PAK5: variants seen among roughly 807,000 people sequenced by gnomAD.
PAK5 encodes the protein p21 (RAC1) activated kinase 5.
PAK5 carries 16 observed loss-of-function variants against 65.9 expected under a neutral mutation model. That is an observed-to-expected ratio of 0.24 (90% confidence interval 0.16 to 0.37). The LOEUF (loss-of-function observed/expected upper bound fraction) is 0.37. Ranked by LOEUF, PAK5 falls within the 10% of genes least tolerant of loss-of-function variation. The probability of loss-of-function intolerance (pLI) is 1.00; values close to 1 mark genes in which losing one functional copy is unlikely to be tolerated. For missense variants in PAK5, 785 were observed against 903.9 expected (o/e 0.87, Z 1.69); for synonymous variants, 371 against 354.9 (o/e 1.05, Z -0.51).
intron 4 of PAK5, among the ~76,000 whole-genome samples, chr20:9,566,829 C>T (rs12053654): frequency 0.2 from 30,994 of 151,976 alleles, 5,503 homozygotes; most frequent in African/African-American, 0.48. Context: ...TCTCCCTGTG[C>T]TAAGTGGTGT....
intron 3 of PAK5, among the ~76,000 whole-genome samples, chr20:9,622,638 TG>T (rs1271567249): frequency 6.6e-6 from 1 of 152,216 alleles, no homozygotes; most frequent in East Asian, 1.9e-4. Context: ...AGCTGAGCTC[TG>T]CCTCTTGTCA....
At chr20:9,675,494 T>C (rs2047557715) in intron 2 of PAK5, among the ~76,000 whole-genome samples, 1 of 152,020 alleles carries the variant, frequency 6.6e-6, no homozygotes, top group African/African-American at 2.4e-5. Flanking sequence ...TAATAATTAA[T>C]TTTATTTATT....
chr20:9,827,831 T>G (rs554757930), intron 1 of PAK5, among the ~76,000 whole-genome samples: 1 of 152,192 alleles, frequency 6.6e-6, no homozygotes, highest in South Asian at 2.1e-4. Context: ...TGCAATTTAT[T>G]TATTTACTTA....
intron 1 of PAK5, among the ~76,000 whole-genome samples, chr20:9,812,425 A>T (rs1380406197): frequency 6.6e-6 from 1 of 152,202 alleles, no homozygotes; most frequent in East Asian, 1.9e-4. Context: ...ATAAAACCAC[A>T]ATGAGATATC....
Position 9,539,466 on chromosome 20 carries a change from TGATGCCTGTATTGTCTCATGAGGGGGAC to T in PAK5, c.2128_2155del (p.Val710ThrfsTer13). 1 of 1,613,916 alleles carries T rather than the reference TGATGCCTGTATTGTCTCATGAGGGGGAC, an allele frequency of 6.2e-7. No individual in the cohort carries two copies. The highest frequency in any genetic ancestry group is 8.5e-7 in the Non-Finnish European group (1 of 1,179,822). The stretch of plus-strand genomic sequence containing the variant: ...CCACCTACACGAATCCTCTGCTCAG[TGATGCCTGTATTGTCTCATGAGGGGGAC>T]GATGCAAGACGGTGGACCTGCTAGT... On this transcript the variant is annotated frameshift_variant, in exon 10 of 10. Coordinates refer to ENST00000353224, the MANE Select transcript of PAK5 (RefSeq NM_177990.4). LOFTEE classifies it high-confidence loss of function.
intron 2 of PAK5, among the ~76,000 whole-genome samples, chr20:9,682,803 G>A (rs542403061): frequency 6.6e-6 from 1 of 152,270 alleles, no homozygotes; most frequent in East Asian, 1.9e-4. Flanking sequence ...AGGCAAGAGG[G>A]GGTTGCCATA....
intron 1 of PAK5, among the ~76,000 whole-genome samples, chr20:9,741,909 A>G (rs1465636159): frequency 6.6e-6 from 1 of 152,094 alleles, no homozygotes; most frequent in Non-Finnish European, 1.5e-5. Flanking sequence ...TCTTGAAAGC[A>G]ATACTTGGAA....
intron 7 of PAK5, among the ~76,000 whole-genome samples, chr20:9,552,255 G>A (rs1409507824): frequency 6.6e-6 from 1 of 152,200 alleles, no homozygotes; most frequent in African/African-American, 2.4e-5. Context: ...AGCGGGTCAT[G>A]GGTTTGAATT....
At chr20:9,672,805 C>G (rs1488065408) in intron 2 of PAK5, among the ~76,000 whole-genome samples, 2 of 152,118 alleles carry the variant, frequency 1.3e-5, no homozygotes, top group Admixed American at 1.3e-4. Flanking sequence ...TTACTTTGCC[C>G]ACATATACAG....
chr20:9,768,813 G>GAA (rs1569080584), intron 1 of PAK5, among the ~76,000 whole-genome samples: 8 of 111,958 alleles, frequency 7.1e-5, no homozygotes, highest in African/African-American at 1.1e-4. Flanking sequence ...AAAAAAAAGG[G>GAA]AAAGAAAGAA....
At chr20:9,786,622 A>T (rs2048995409) in intron 1 of PAK5, among the ~76,000 whole-genome samples, 1 of 152,116 alleles carries the variant, frequency 6.6e-6, no homozygotes, top group Non-Finnish European at 1.5e-5. Context: ...AAGTTATCAA[A>T]GCCACAGAAG....
At chr20:9,784,778 A>G (rs145526205) in intron 1 of PAK5, among the ~76,000 whole-genome samples, 409 of 152,118 alleles carry the variant, frequency 2.7e-3, no homozygotes, top group Non-Finnish European at 3.5e-3. Flanking sequence ...GCAGGATCAC[A>G]TGCAAAAAAC....
chr20:9,806,071 T>A (rs2049228407), intron 1 of PAK5, among the ~76,000 whole-genome samples: 1 of 152,114 alleles, frequency 6.6e-6, no homozygotes, highest in Non-Finnish European at 1.5e-5. Flanking sequence ...TTCAAGCAAT[T>A]CTTGTGCCTC....
chr20:9,591,147 T>C (rs1372848813), intron 3 of PAK5, among the ~76,000 whole-genome samples: 1 of 152,132 alleles, frequency 6.6e-6, no homozygotes, highest in East Asian at 1.9e-4. Flanking sequence ...ATAATATGAC[T>C]CCAAGGTATG....
At chr20:9,628,097 G>A (rs1192068905) in intron 3 of PAK5, among the ~76,000 whole-genome samples, 1 of 152,126 alleles carries the variant, frequency 6.6e-6, no homozygotes, top group East Asian at 1.9e-4. Context: ...CTTAAAAAAG[G>A]GAATTTTCAT....
chr20:9,605,483 T>A (rs1236270962), intron 3 of PAK5, among the ~76,000 whole-genome samples: 1 of 152,218 alleles, frequency 6.6e-6, no homozygotes, highest in African/African-American at 2.4e-5. Flanking sequence ...TGGAAACCTC[T>A]CTGTAAATAT....
chr20:9,686,864 G>T (rs1394137913), intron 2 of PAK5, among the ~76,000 whole-genome samples: 1 of 152,162 alleles, frequency 6.6e-6, no homozygotes, highest in Non-Finnish European at 1.5e-5. Flanking sequence ...TATTTGGGAA[G>T]TACAGGGACC....
intron 2 of PAK5, among the ~76,000 whole-genome samples, chr20:9,679,040 C>G (rs2047614386): frequency 6.6e-6 from 1 of 152,132 alleles, no homozygotes; most frequent in African/African-American, 2.4e-5. Context: ...CTCTGCTACC[C>G]CTGAGACAGC....
chr20:9,626,149 A>G (rs1490425609), intron 3 of PAK5, among the ~76,000 whole-genome samples: 2 of 152,228 alleles, frequency 1.3e-5, no homozygotes, highest in Non-Finnish European at 2.9e-5. Flanking sequence ...TAAACTAACA[A>G]TCAACATAAA....
Sources: allele counts gnomAD v4.1 joint callset (sites outside exome capture counted in the v4.1 genomes callset), GRCh38; gene constraint gnomAD v4.1.1; transcripts MANE v1.5; gene names NCBI Gene and HGNC (gene_info 2026-07-23, HGNC 2026-07-21).